The following AGBL4 variants were observed in gnomAD, a reference collection of about 807,000 sequenced individuals.
AGBL4 encodes the protein AGBL carboxypeptidase 4.
A neutral mutation model predicts 66.4 loss-of-function variants in AGBL4; 58 were observed. That is an observed-to-expected ratio of 0.87 (90% confidence interval 0.71 to 1.09). The LOEUF is 1.09. Among genes scored for constraint, AGBL4 ranks in the 50% least tolerant of loss-of-function variants. AGBL4 has a pLI of 0.00. For synonymous variants in AGBL4, 234 were observed against 222.9 expected (o/e 1.05, Z -0.44); for missense variants, 579 against 631.0 (o/e 0.92, Z 0.88).
chr1:48,766,258 C>T (rs1436964082), intron 6 of AGBL4, among the ~76,000 whole-genome samples: 1 of 152,082 alleles, frequency 6.6e-6, no homozygotes, highest in Non-Finnish European at 1.5e-5. Flanking sequence ...AGAAACAAAA[C>T]TCTCCTCCTA....
intron 4 of AGBL4, among the ~76,000 whole-genome samples, chr1:49,207,883 C>T (rs1346557785): frequency 1.3e-5 from 2 of 151,920 alleles, no homozygotes; most frequent in African/African-American, 4.8e-5. Context: ...CTCATTCCTG[C>T]TCTTGATTCT....
intron 3 of AGBL4, among the ~76,000 whole-genome samples, chr1:49,518,585 ATT>A (rs1169739323): frequency 6.6e-6 from 1 of 152,070 alleles, no homozygotes; most frequent in Non-Finnish European, 1.5e-5. Flanking sequence ...TTGACAAGTC[ATT>A]TCACCTCTCT....
chr1:49,202,283 G>T (rs1647771042), intron 4 of AGBL4, among the ~76,000 whole-genome samples: 1 of 152,014 alleles, frequency 6.6e-6, no homozygotes, highest in African/African-American at 2.4e-5. Context: ...ATATATATTT[G>T]CCCATATAGA....
At chr1:48,898,699 T>C (rs533759063) in intron 5 of AGBL4, among the ~76,000 whole-genome samples, 1 of 152,260 alleles carries the variant, frequency 6.6e-6, no homozygotes, top group Admixed American at 6.5e-5. Flanking sequence ...TAGAGCTTTG[T>C]AGTAAATTTT....
chr1:49,697,395 TCATA>T lies in AGBL4; in HGVS notation c.196_199del (p.Tyr66IlefsTer24), dbSNP rs2124615643. ...ACAGGTGTCCGGCCTAATGAACAGATCATACTCAAACTCAGAGACCTGGTCCACC... is the reference window on the plus strand; with the variant it reads ...ACAGGTGTCCGGCCTAATGAACAGATCTCAAACTCAGAGACCTGGTCCACC... On this transcript the variant is annotated frameshift_variant, in exon 3 of 14. Transcript: ENST00000371839. LOFTEE classifies it high-confidence loss of function. 6.5e-7 allele frequency: 1 copy of T among 1,540,854 alleles called. No homozygotes were observed. Among genetic ancestry groups the T allele is most frequent in the South Asian group, 1.2e-5 (1 of 83,246 alleles).
intron 3 of AGBL4, among the ~76,000 whole-genome samples, chr1:49,550,497 T>G (rs1652866539): frequency 6.6e-6 from 1 of 152,204 alleles, no homozygotes; most frequent in Admixed American, 6.5e-5. Context: ...GGTGGCTTGA[T>G]AGTGGCGAAT....
intron 6 of AGBL4, among the ~76,000 whole-genome samples, chr1:48,745,148 G>A (rs1650540073): frequency 6.6e-6 from 1 of 152,196 alleles, no homozygotes; most frequent in Non-Finnish European, 1.5e-5. Flanking sequence ...GCACATGGCA[G>A]GCTCTTAGTA....
At chr1:49,645,525 T>A (rs1234260644) in intron 3 of AGBL4, among the ~76,000 whole-genome samples, 1 of 151,504 alleles carries the variant, frequency 6.6e-6, no homozygotes, top group African/African-American at 2.4e-5. Context: ...AGTTTTATAT[T>A]CTTAGAAGAC....
intron 3 of AGBL4, among the ~76,000 whole-genome samples, chr1:49,526,048 C>T (rs1336376332): frequency 1.3e-5 from 2 of 151,656 alleles, no homozygotes; most frequent in Admixed American, 6.6e-5. Context: ...GAGCCGAGAT[C>T]GCACCACTGC....
intron 6 of AGBL4, among the ~76,000 whole-genome samples, chr1:48,806,951 T>TATC (rs899009488): frequency 2.6e-5 from 4 of 152,044 alleles, no homozygotes; most frequent in Non-Finnish European, 5.9e-5. Flanking sequence ...TGTGTGTGTG[T>TATC]ATCTGTGCGG....
intron 4 of AGBL4, among the ~76,000 whole-genome samples, chr1:49,182,320 T>C (rs1646943791): frequency 6.6e-6 from 1 of 152,210 alleles, no homozygotes; most frequent in Admixed American, 6.5e-5. Context: ...ATTCTACCAT[T>C]CATAGGCTAG....
intron 6 of AGBL4, among the ~76,000 whole-genome samples, chr1:48,836,312 A>AAAG (rs1292420207): frequency 1.3e-5 from 2 of 151,724 alleles, no homozygotes; most frequent in Admixed American, 1.3e-4. Flanking sequence ...AAAAAAAAAA[A>AAAG]AAAAGTAGGA....
intron 5 of AGBL4, among the ~76,000 whole-genome samples, chr1:49,038,137 A>G (rs1192729934): frequency 2.0e-5 from 3 of 152,136 alleles, no homozygotes; most frequent in African/African-American, 7.2e-5. Context: ...TCATGAAGAC[A>G]TGAATCTGTT....
chr1:49,440,888 A>T (rs550281975), intron 3 of AGBL4, among the ~76,000 whole-genome samples: 8 of 152,094 alleles, frequency 5.3e-5, no homozygotes, highest in Middle Eastern at 3.4e-3. Flanking sequence ...GAGTTTGTAA[A>T]CTCTGATGAA....
chr1:48,916,172 G>C (rs1349736933), intron 5 of AGBL4, among the ~76,000 whole-genome samples: 4 of 152,216 alleles, frequency 2.6e-5, no homozygotes, highest in Non-Finnish European at 5.9e-5. Context: ...AAGGCAGCTT[G>C]ACTGAAGAAG....
chr1:49,846,512 G>A, intron 2 of AGBL4: 2 of 763,748 alleles, frequency 2.6e-6, no homozygotes, highest in Middle Eastern at 6.0e-4. Flanking sequence ...CAACAGGGTG[G>A]AAACAGACTA....
chr1:49,564,556 T>C (rs1280740820), intron 3 of AGBL4, among the ~76,000 whole-genome samples: 12 of 152,182 alleles, frequency 7.9e-5, no homozygotes, highest in Admixed American at 3.3e-4. Flanking sequence ...GCCTTCATTT[T>C]GTTATGTACC....
At chr1:48,908,264 G>C (rs1405736147) in intron 5 of AGBL4, among the ~76,000 whole-genome samples, 1 of 152,120 alleles carries the variant, frequency 6.6e-6, no homozygotes, top group Non-Finnish European at 1.5e-5. Context: ...CACTCTCACA[G>C]GGTCATCCTG....
chr1:49,310,806 T>TA (rs902638258), intron 3 of AGBL4, among the ~76,000 whole-genome samples: 42 of 150,846 alleles, frequency 2.8e-4, no homozygotes, highest in African/African-American at 5.8e-4. Context: ...TTATTCTAAG[T>TA]AAAAAAAAAC....
Sources: allele counts gnomAD v4.1 joint callset (sites outside exome capture counted in the v4.1 genomes callset), GRCh38; gene constraint gnomAD v4.1.1; transcripts MANE v1.5; gene names NCBI Gene and HGNC (gene_info 2026-07-23, HGNC 2026-07-21).